PACSIN1: variants seen among roughly 807,000 people sequenced by gnomAD.
PACSIN1 encodes protein kinase C and casein kinase substrate in neurons 1.
In PACSIN1, 15 loss-of-function variants were observed where a neutral mutation model predicts 59.5. The ratio of observed to expected loss-of-function variants is 0.25; its 90% confidence interval spans 0.17 to 0.39. PACSIN1 has a LOEUF of 0.39. Among genes scored for constraint, PACSIN1 ranks in the 10% least tolerant of loss-of-function variants. The pLI is 1.00. For synonymous variants in PACSIN1, 210 were observed against 220.6 expected (o/e 0.95, Z 0.42); for missense variants, 420 against 580.2 (o/e 0.72, Z 2.84).
intron 1 of PACSIN1, among the ~76,000 whole-genome samples, chr6:34,522,856 G>A (rs1001020364): frequency 1.3e-5 from 2 of 152,202 alleles, no homozygotes; most frequent in Admixed American, 6.5e-5. Flanking sequence ...GGAGAAGAGC[G>A]TCAGCTCCAG....
At chr6:34,517,672 C>T (rs1393908618) in intron 1 of PACSIN1, among the ~76,000 whole-genome samples, 1 of 152,130 alleles carries the variant, frequency 6.6e-6, no homozygotes, top group Non-Finnish European at 1.5e-5. Flanking sequence ...TCCAAGGCCA[C>T]CTGCTCAGAA....
chr6:34,472,567 A>G (rs1766586837), intron 1 of PACSIN1, among the ~76,000 whole-genome samples: 1 of 152,140 alleles, frequency 6.6e-6, no homozygotes. Flanking sequence ...TTTCTTAGAA[A>G]CCTAAAAAAA....
At chr6:34,481,803 C>T (rs1165442459) in intron 1 of PACSIN1, among the ~76,000 whole-genome samples, 1 of 152,110 alleles carries the variant, frequency 6.6e-6, no homozygotes, top group East Asian at 1.9e-4. Context: ...TATTGAAATA[C>T]GATTCATATA....
At chr6:34,470,315 G>A (rs1220272640) in intron 1 of PACSIN1, among the ~76,000 whole-genome samples, 1 of 151,144 alleles carries the variant, frequency 6.6e-6, no homozygotes, top group African/African-American at 2.4e-5. Flanking sequence ...TGAGTAGCTG[G>A]GATTACAGGC....
intron 1 of PACSIN1, among the ~76,000 whole-genome samples, chr6:34,496,896 A>T (rs1435800467): frequency 6.9e-6 from 1 of 145,816 alleles, no homozygotes; most frequent in Non-Finnish European, 1.5e-5. Flanking sequence ...GTTTCAACTT[A>T]AAAAAAAAAT....
At position 34,515,457 on chromosome 6, in the gene PACSIN1, C is replaced by G. The variant is rs1172477153; in HGVS notation, c.-63-10786C>G. ...GAGGGCAGGGAGGAGTAAGGATGCCCCTGCCCCACTCAAGGCACTGCTAGG... is the reference window on the plus strand; with the variant it reads ...GAGGGCAGGGAGGAGTAAGGATGCCGCTGCCCCACTCAAGGCACTGCTAGG... On this transcript the variant is annotated intron_variant, in intron 1 of 9. Transcript: ENST00000244458. The surrounding 1 kb of genome is among the most constrained non-coding windows in gnomAD (Gnocchi z 4.4). 6.6e-6 allele frequency among the ~76,000 whole-genome samples: 1 copy of G among 152,084 alleles called. No individual in the cohort carries two copies. Among genetic ancestry groups the G allele is most frequent in the Non-Finnish European group, 1.5e-5 (1 of 67,986 alleles).
chr6:34,501,529 C>T (rs1469027214), intron 1 of PACSIN1, among the ~76,000 whole-genome samples: 1 of 152,130 alleles, frequency 6.6e-6, no homozygotes, highest in Non-Finnish European at 1.5e-5. Context: ...TTTCTTGGGT[C>T]CCAATGTGTG....
At chr6:34,524,581 A>G (rs1410737550) in intron 1 of PACSIN1, among the ~76,000 whole-genome samples, 2 of 152,132 alleles carry the variant, frequency 1.3e-5, no homozygotes, top group Non-Finnish European at 2.9e-5. Context: ...TCCATTTAGG[A>G]GCAGAACTTC....
At chr6:34,498,269 C>T (rs2127256754) in intron 1 of PACSIN1, among the ~76,000 whole-genome samples, 1 of 152,140 alleles carries the variant, frequency 6.6e-6, no homozygotes, top group African/African-American at 2.4e-5. Context: ...ACCATATTGG[C>T]CAGGCTGGTC....
In PACSIN1 at chr6:34,531,204, A is replaced by G. The variant is rs1438893239; in HGVS notation, c.1038-396A>G. ...TCAAGTGCGTAAATATTACCATTTT[A>G]CAGATGGAGAAACTGAAACCCAGAC... is the stretch of plus-strand genomic sequence containing the variant. On this transcript the variant is annotated intron_variant, in intron 8 of 9. Coordinates refer to ENST00000244458, the MANE Select transcript of PACSIN1 (RefSeq NM_020804.5). This position sits in a 1 kb window ranked among gnomAD's most constrained non-coding sequence, Gnocchi z 4.4. 6.6e-6 allele frequency among the ~76,000 whole-genome samples: 1 copy of G among 152,210 alleles called. No individual in the cohort carries two copies. The highest frequency in any genetic ancestry group is 1.5e-5 in the Non-Finnish European group (1 of 68,036).
intron 1 of PACSIN1, among the ~76,000 whole-genome samples, chr6:34,503,275 AAAAAAGAAAAAG>A (rs56145565): frequency 6.7e-6 from 1 of 148,324 alleles, no homozygotes; most frequent in Non-Finnish European, 1.5e-5. Context: ...TCAAAAAAAA[AAAAAAGAAAAAG>A]AAAAAGAAAA....
chr6:34,486,158 G>T (rs550340363), intron 1 of PACSIN1, among the ~76,000 whole-genome samples: 4 of 152,142 alleles, frequency 2.6e-5, no homozygotes, highest in African/African-American at 9.6e-5. Flanking sequence ...TAGGGGGTGA[G>T]GGGTGGAGGG....
rs1401973567 is a variant in PACSIN1, at chr6:34,525,446, A to T, written c.-63-797A>T. Among the ~76,000 whole-genome samples, 1 of 152,222 alleles carries T rather than the reference A, an allele frequency of 6.6e-6. No homozygotes were observed. The highest frequency in any genetic ancestry group is 2.4e-5 in the African/African-American group (1 of 41,454). ...AGGCCAGCCTTCCCTGAGCATCCAC[A>T]CTGTCAGGGTTCACAGTCCTGGGAC... is the stretch of plus-strand genomic sequence containing the variant. On this transcript the variant is annotated intron_variant, in intron 1 of 9. Coordinates refer to ENST00000244458, the MANE Select transcript of PACSIN1 (RefSeq NM_020804.5). This position sits in a 1 kb window ranked among gnomAD's most constrained non-coding sequence, Gnocchi z 4.9.
intron 1 of PACSIN1, among the ~76,000 whole-genome samples, chr6:34,485,408 G>A (rs924308891): frequency 1.3e-5 from 2 of 152,074 alleles, no homozygotes; most frequent in Admixed American, 6.6e-5. Context: ...GGCAGACCCT[G>A]GCATCTGTGG....
chr6:34,529,828 G>T lies in PACSIN1; in HGVS notation c.775G>T (p.Ala259Ser), dbSNP rs544514565. The T allele has an allele frequency of 2.5e-6, 4 of 1,613,486 alleles. No homozygotes were observed. Among genetic ancestry groups the T allele is most frequent in the South Asian group, 1.1e-5 (1 of 90,968 alleles). Reference sequence around the variant, plus strand: ...GGACATCAAACGGCACCTCAACCTGGCTGAGAACAGCAGGTACCTGGGCAT... The same window carrying T: ...GGACATCAAACGGCACCTCAACCTGTCTGAGAACAGCAGGTACCTGGGCAT... ...LLDIKRHLNL[A>S]ENSSYIHVYR... is the part of the protein sequence containing the mutation. Residue 259 changes from alanine (A) to serine (S), a missense_variant, in exon 6 of 10, where the codon GCT becomes TCT. By Grantham distance (99) the Ala-to-Ser change is moderately conservative (BLOSUM62 1). Transcript: ENST00000244458. The surrounding 1 kb of genome is among the most constrained non-coding windows in gnomAD (Gnocchi z 6.3).
chr6:34,522,360 T>G (rs867110495), intron 1 of PACSIN1, among the ~76,000 whole-genome samples: 9 of 152,250 alleles, frequency 5.9e-5, no homozygotes, highest in Non-Finnish European at 1.2e-4. Context: ...CAGCACACAG[T>G]AGGCACTCGG....
Position 34,531,311 on chromosome 6 carries a change from G to A in PACSIN1, c.1038-289G>A, listed in dbSNP as rs138845824. On this transcript the variant is annotated intron_variant, in intron 8 of 9. Transcript: ENST00000244458. This position sits in a 1 kb window ranked among gnomAD's most constrained non-coding sequence, Gnocchi z 4.4. ...ATGTTGCCCAGGAGGTCTGACTCCAGGATCCTTGCTCTTAAACATTAGGTG... is the reference window on the plus strand; with the variant it reads ...ATGTTGCCCAGGAGGTCTGACTCCAAGATCCTTGCTCTTAAACATTAGGTG... Among the ~76,000 whole-genome samples, 215 of 152,314 alleles carry A rather than the reference G, an allele frequency of 1.4e-3. 1 individual carries two copies. Among genetic ancestry groups the A allele is most frequent in the African/African-American group, 4.7e-3 (194 of 41,566 alleles).
At chr6:34,527,703 T>G in intron 3 of PACSIN1, 1 of 392,650 alleles carries the variant, frequency 2.5e-6, no homozygotes, top group Non-Finnish European at 4.5e-6. Context: ...AAAAACACTT[T>G]TTATCTTGAA....
In PACSIN1 at chr6:34,534,700, C is replaced by G. The variant is rs1038190155; in HGVS notation, c.*2170C>G. ...ACTCCAGGGCAGGGACTCGAAACCC[C>G]CTCCGTCCTGAGCAGCCACCTCCAG... On this transcript the variant is annotated 3_prime_UTR_variant, in exon 10 of 10. Transcript: ENST00000244458. 1 of 152,830 alleles carries G rather than the reference C, an allele frequency of 6.5e-6. No individual in the cohort carries two copies. The highest frequency in any genetic ancestry group is 2.4e-5 in the African/African-American group (1 of 41,460). 9.5% of individuals were successfully genotyped at this position (152,830 alleles called of 1,614,324 possible).
Sources: gnomAD v4.1 joint callset for allele counts (sites outside exome capture counted in the v4.1 genomes callset) on GRCh38, gnomAD v4.1.1 for gene constraint, Gnocchi (gnomAD v3.1) non-coding constraint, MANE v1.5 for transcripts, NCBI Gene and HGNC (gene_info 2026-07-23, HGNC 2026-07-21) for gene names.